CCDC30: variants seen among roughly 807,000 people sequenced by gnomAD.
CCDC30 encodes coiled-coil domain containing 30, also known as coiled-coil domain-containing protein 30.
In CCDC30, 70 loss-of-function variants were observed where a neutral mutation model predicts 100.2. That is an observed-to-expected ratio of 0.70 (90% confidence interval 0.58 to 0.85). The LOEUF (loss-of-function observed/expected upper bound fraction) is 0.85. CCDC30 is among the 40% of genes least tolerant of loss of function. The pLI is 0.00. For synonymous variants in CCDC30, 233 were observed against 269.5 expected (o/e 0.86, Z 1.33); for missense variants, 652 against 771.2 (o/e 0.85, Z 1.83).
intron 6 of CCDC30, among the ~76,000 whole-genome samples, chr1:42,504,930 G>A (rs1263454932): frequency 1.3e-5 from 2 of 152,110 alleles, no homozygotes; most frequent in African/African-American, 2.4e-5. Flanking sequence ...AAGTCCTGGT[G>A]GACTCAGCAA....
intron 6 of CCDC30, among the ~76,000 whole-genome samples, chr1:42,513,548 C>T (rs1644511596): frequency 6.6e-6 from 1 of 152,188 alleles, no homozygotes; most frequent in Non-Finnish European, 1.5e-5. Context: ...ATTGGCACAA[C>T]TGCCGGCATT....
chr1:42,554,886 C>A (rs77953118), intron 6 of CCDC30, among the ~76,000 whole-genome samples: 1 of 151,970 alleles, frequency 6.6e-6, no homozygotes, highest in Non-Finnish European at 1.5e-5. Context: ...TTCGTCTTAT[C>A]CAGTCCCAGT....
At chr1:42,652,460 A>G (rs1020192125) in intron 15 of CCDC30, among the ~76,000 whole-genome samples, 9 of 152,210 alleles carry the variant, frequency 5.9e-5, no homozygotes, top group African/African-American at 2.2e-4. Context: ...GTACACCGTA[A>G]GTATAGGCAC....
intron 6 of CCDC30, among the ~76,000 whole-genome samples, chr1:42,552,839 G>T (rs568623380): frequency 6.6e-6 from 1 of 152,204 alleles, no homozygotes; most frequent in East Asian, 1.9e-4. Flanking sequence ...AGTGGAAAGG[G>T]AGAAGTGTGC....
intron 10 of CCDC30, among the ~76,000 whole-genome samples, chr1:42,610,150 A>AT: frequency 6.6e-6 from 1 of 152,268 alleles, no homozygotes; most frequent in South Asian, 2.1e-4. Flanking sequence ...CCATTATAAC[A>AT]TTTTTTATAC....
At chr1:42,482,205 C>G (rs1643971111) in intron 2 of CCDC30, among the ~76,000 whole-genome samples, 1 of 137,124 alleles carries the variant, frequency 7.3e-6, no homozygotes, top group South Asian at 2.2e-4. Flanking sequence ...CCTGGGGGAC[C>G]AGGTGAGACT....
chr1:42,598,942 C>T (rs913524318), intron 10 of CCDC30, among the ~76,000 whole-genome samples: 4 of 151,724 alleles, frequency 2.6e-5, no homozygotes, highest in Admixed American at 2.6e-4. Flanking sequence ...AATACTTTCT[C>T]AGACAAAAAA....
At chr1:42,467,933 G>C (rs1400771080) in intron 1 of CCDC30, among the ~76,000 whole-genome samples, 9 of 152,358 alleles carry the variant, frequency 5.9e-5, no homozygotes, top group Non-Finnish European at 8.8e-5. Context: ...CAGCCTTGCT[G>C]ATGAGCAAGC....
upstream of CCDC30, chr1:42,460,059 A>G (rs541949803): frequency 1.4e-6 from 2 of 1,413,902 alleles, no homozygotes; most frequent in Non-Finnish European, 1.8e-6. Context: ...GTAGGCAAAT[A>G]TGGTTTGGCA....
chr1:42,576,903 A>G (rs925326174), intron 7 of CCDC30, 117 bp from the exon 12 acceptor site: 3 of 696,812 alleles, frequency 4.3e-6, no homozygotes, highest in Non-Finnish European at 7.3e-6. Flanking sequence ...GTACTCAGCC[A>G]TGTGACATTG....
chr1:42,514,793 A>T (rs527361484), intron 6 of CCDC30, among the ~76,000 whole-genome samples: 2 of 152,264 alleles, frequency 1.3e-5, no homozygotes, highest in South Asian at 4.2e-4. Flanking sequence ...AGCTGAGATT[A>T]TAGGCACCTG....
chr1:42,646,005 G>A (rs564562101), intron 14 of CCDC30, 130 bp from the exon 19 acceptor site: 5 of 1,240,128 alleles, frequency 4.0e-6, no homozygotes, highest in East Asian at 5.3e-5. Flanking sequence ...CTTGAATGAA[G>A]ATAAGAATGG....
intron 6 of CCDC30, chr1:42,536,523 G>A (rs1013015059): frequency 1.4e-5 from 23 of 1,612,904 alleles, no homozygotes; most frequent in Non-Finnish European, 1.9e-5. Flanking sequence ...AAAGTGAGTG[G>A]TCAAAAGAGA....
chr1:42,560,762 T>A (rs1290897397), intron 6 of CCDC30, among the ~76,000 whole-genome samples: 1 of 152,068 alleles, frequency 6.6e-6, no homozygotes. Context: ...ACAATAAAAA[T>A]GACAAGAGGA....
intron 6 of CCDC30, 71 bp downstream of exon 8, chr1:42,539,381 T>C (rs1249641062): frequency 7.2e-7 from 1 of 1,379,334 alleles, no homozygotes; most frequent in African/African-American, 1.5e-5. Flanking sequence ...TAAAAGGAAA[T>C]TAATTTTAAG....
At chr1:42,642,099 A>G (rs1053036857) in intron 12 of CCDC30, among the ~76,000 whole-genome samples, 46 of 151,326 alleles carry the variant, frequency 3.0e-4, no homozygotes, top group African/African-American at 7.0e-4. Context: ...AGTGGTGGGC[A>G]CCTGTAGTCC....
chr1:42,647,868 T>A (rs529500077), intron 15 of CCDC30, among the ~76,000 whole-genome samples: 1 of 152,334 alleles, frequency 6.6e-6, no homozygotes, highest in South Asian at 2.1e-4. Context: ...TAAAATATCT[T>A]GAAACAAATG....
intron 15 of CCDC30, 72 bp downstream of exon 19, chr1:42,646,389 T>C: frequency 1.5e-6 from 2 of 1,323,572 alleles, no homozygotes; most frequent in Non-Finnish European, 1.9e-6. Flanking sequence ...GTTTGGAAAA[T>C]CTCTCAACTT....
intron 7 of CCDC30, among the ~76,000 whole-genome samples, chr1:42,576,109 G>A (rs778246582): frequency 1.3e-5 from 2 of 152,202 alleles, no homozygotes; most frequent in African/African-American, 4.8e-5. Flanking sequence ...TTCTAAGCAG[G>A]GGTGTCAAGT....
Sources: allele counts gnomAD v4.1 joint callset (sites outside exome capture counted in the v4.1 genomes callset), GRCh38; gene constraint gnomAD v4.1.1; transcripts MANE v1.5; gene names NCBI Gene and HGNC (gene_info 2026-07-23, HGNC 2026-07-21).